Variants in RELN observed in about 807,000 individuals in gnomAD.
The protein encoded by RELN is reelin.
In RELN, 108 loss-of-function variants were observed where a neutral mutation model predicts 427.6. That is an observed-to-expected ratio of 0.25 (90% CI 0.22 to 0.30). The LOEUF (loss-of-function observed/expected upper bound fraction) is 0.30. Among genes scored for constraint, RELN ranks in the 10% least tolerant of loss-of-function variants. The pLI, the probability that RELN is intolerant of heterozygous loss-of-function variation, is 1.00. For synonymous variants in RELN, 1,524 were observed against 1,513.4 expected (o/e 1.01, Z -0.16); for missense variants, 3,715 against 4,302.8 (o/e 0.86, Z 3.82).
chr7:103,799,930 C>T (rs1348847727), intron 3 of RELN, among the ~76,000 whole-genome samples: 1 of 151,660 alleles, frequency 6.6e-6, no homozygotes, highest in Non-Finnish European at 1.5e-5. Flanking sequence ...ACGTGATTAT[C>T]TCAATAGATG....
intron 64 of RELN, among the ~76,000 whole-genome samples, chr7:103,474,824 C>T (rs1374840353): frequency 6.6e-6 from 1 of 151,432 alleles, no homozygotes; most frequent in African/African-American, 2.4e-5. Flanking sequence ...AAAAAAACTC[C>T]ACTGAAAGGA....
chr7:103,816,253 C>T (rs1045958276), intron 3 of RELN, among the ~76,000 whole-genome samples: 2 of 152,108 alleles, frequency 1.3e-5, no homozygotes, highest in African/African-American at 4.8e-5. Context: ...CTGGCACACA[C>T]CTGTAATCCC....
chr7:103,550,964 G>A lies in RELN; in HGVS notation c.6302+103C>T, dbSNP rs3025938. The A allele has an allele frequency of 3.2e-3, 2,911 of 909,992 alleles. 62 individuals are homozygous for A. The African/African-American group carries it at 0.043, about 13-fold the overall frequency. 56.4% of individuals were successfully genotyped at this position (909,992 alleles called of 1,614,324 possible). ...TCTGCTTGAGAACAGAGGAAGAAACGTCAGGTGGAAATTTCCCCATGATAA... is the reference window on the plus strand; with the variant it reads ...TCTGCTTGAGAACAGAGGAAGAAACATCAGGTGGAAATTTCCCCATGATAA... On this transcript the variant is annotated intron_variant, in intron 41 of 64. Coordinates refer to ENST00000428762, the MANE Select transcript of RELN (RefSeq NM_005045.4).
chr7:103,503,196 G>T lies in RELN; in HGVS notation c.8309C>A (p.Ala2770Asp), dbSNP rs1459761414. Residue 2770 changes from alanine (A) to aspartate (D), a missense_variant, in exon 52 of 65, where the codon GCC (alanine) becomes GAC (aspartate). Physicochemically the swap from Ala to Asp is moderately radical, Grantham distance 126. Coordinates refer to ENST00000428762, the MANE Select transcript of RELN (RefSeq NM_005045.4). ...ATACTGCACATGAATTTGATTCTGG[G>T]CAATTTTTTCAGACACCTTACATCC... The part of the protein sequence containing the change: ...SVGCKVSEKI[A>D]QNQIHVQYST... The T allele has an allele frequency of 6.2e-7, 1 of 1,614,142 alleles. No homozygotes were observed. Among genetic ancestry groups the T allele is most frequent in the Non-Finnish European group, 8.5e-7 (1 of 1,180,016 alleles).
chr7:103,624,514 C>T (rs1467239551), intron 20 of RELN, among the ~76,000 whole-genome samples: 1 of 152,140 alleles, frequency 6.6e-6, no homozygotes, highest in Non-Finnish European at 1.5e-5. Flanking sequence ...GCAACCTCTG[C>T]CTCCCAGGTT....
Position 103,661,405 on chromosome 7 carries a change from T to C in RELN, c.1412A>G (p.Tyr471Cys), listed in dbSNP as rs1833136395. ...LCTPSMDTTG[Y>C]GNLRFYFVMG... Reference sequence around the variant, plus strand: ...CACAAAGTAAAACCTCAGGTTCCCATAACCGGTAGTGTCCATGGATGGAGT... The same window carrying C: ...CACAAAGTAAAACCTCAGGTTCCCACAACCGGTAGTGTCCATGGATGGAGT... Residue 471 changes from tyrosine to cysteine, a missense_variant, in exon 12 of 65, where the codon TAT becomes TGT. Around this residue, in one of 4 missense-constraint regions of RELN, gnomAD observed 2,208 missense variants for 2,361.7 expected, o/e 0.93. Coordinates refer to ENST00000428762, the MANE Select transcript of RELN (RefSeq NM_005045.4). 2 of 1,613,900 alleles carry C rather than the reference T, an allele frequency of 1.2e-6. No homozygotes were observed. Among genetic ancestry groups the C allele is most frequent in the South Asian group, 2.2e-5 (2 of 91,086 alleles).
At chr7:103,670,121 T>C (rs2115616657) in intron 11 of RELN, among the ~76,000 whole-genome samples, 1 of 152,288 alleles carries the variant, frequency 6.6e-6, no homozygotes. Context: ...GGAAAGCTGA[T>C]GGTCTTCTCT....
intron 1 of RELN, among the ~76,000 whole-genome samples, chr7:103,940,536 T>C (rs10265612): frequency 0.029 from 4,394 of 152,260 alleles, 219 homozygotes; most frequent in African/African-American, 0.1. Flanking sequence ...CTTGCGACTA[T>C]CTCTGCTGTC....
chr7:103,633,552 A>G (rs1328941340), intron 19 of RELN, among the ~76,000 whole-genome samples: 2 of 151,918 alleles, frequency 1.3e-5, no homozygotes, highest in African/African-American at 4.8e-5. Context: ...CTCCACTTTG[A>G]TCTTAATCTT....
In RELN at chr7:103,727,008, T is replaced by C. The variant is rs113103074; in HGVS notation, c.753+1103A>G. Among the ~76,000 whole-genome samples the C allele has an allele frequency of 3.9e-3, 593 of 152,266 alleles. 2 individuals are homozygous for C. Among genetic ancestry groups the C allele is most frequent in the Non-Finnish European group, 6.6e-3 (449 of 67,998 alleles). On this transcript the variant is annotated intron_variant, in intron 7 of 64. Coordinates refer to ENST00000428762, the MANE Select transcript of RELN (RefSeq NM_005045.4). ...TATCAATGCTCTGAAGCTTGTATCT[T>C]TAATAAATTAAATGTATCTATTGGC... is the stretch of plus-strand genomic sequence containing the variant.
At chr7:103,616,068 C>T (rs554685580) in intron 20 of RELN, among the ~76,000 whole-genome samples, 2 of 152,234 alleles carry the variant, frequency 1.3e-5, no homozygotes, top group South Asian at 2.1e-4. Context: ...CAACTGAGCC[C>T]ATCTCTTTAA....
intron 16 of RELN, among the ~76,000 whole-genome samples, chr7:103,643,303 A>T (rs1832730943): frequency 6.6e-6 from 1 of 152,092 alleles, no homozygotes. Flanking sequence ...CTTGTAGTAT[A>T]AGCCTTCAGC....
In RELN at chr7:103,611,747, A is replaced by T. The variant is rs748576911; in HGVS notation, c.2759T>A (p.Met920Lys). The T allele has an allele frequency of 6.2e-7, 1 of 1,613,880 alleles. No homozygotes were observed. The highest frequency in any genetic ancestry group is 2.2e-5 in the East Asian group (1 of 44,832). ...SSMRYVETQS[M>K]QIGASYMIQF... Reference sequence around the variant, plus strand: ...AATCATATAGGATGCTCCTATCTGCATTGATTGTGTTTCCACATAGCGCAT... The same window carrying T: ...AATCATATAGGATGCTCCTATCTGCTTTGATTGTGTTTCCACATAGCGCAT... Residue 920 changes from methionine (M) to lysine (K), a missense_variant, in exon 21 of 65, where the codon ATG becomes AAG. Transcript: ENST00000428762.
chr7:103,825,477 A>C (rs1321448560), intron 3 of RELN, among the ~76,000 whole-genome samples: 1 of 152,202 alleles, frequency 6.6e-6, no homozygotes, highest in East Asian at 1.9e-4. Context: ...CCAGCTGTTT[A>C]CATAAAATTG....
intron 10 of RELN, among the ~76,000 whole-genome samples, chr7:103,690,726 G>C (rs1367319897): frequency 1.3e-5 from 2 of 152,102 alleles, no homozygotes; most frequent in Non-Finnish European, 2.9e-5. Context: ...TACGAATGAG[G>C]GTGGGGCTCT....
chr7:103,746,183 A>G (rs1790823635), intron 6 of RELN, among the ~76,000 whole-genome samples: 1 of 151,926 alleles, frequency 6.6e-6, no homozygotes, highest in African/African-American at 2.4e-5. Flanking sequence ...TCCCTATTTA[A>G]TAAATGGTGC....
intron 2 of RELN, among the ~76,000 whole-genome samples, chr7:103,855,618 G>C (rs753166553): frequency 6.6e-6 from 1 of 152,156 alleles, no homozygotes; most frequent in Non-Finnish European, 1.5e-5. Context: ...TTATTATAAA[G>C]TGAGCGGCTT....
chr7:103,784,669 C>G lies in RELN; in HGVS notation c.474-8042G>C, dbSNP rs531182619. On this transcript the variant is annotated intron_variant, in intron 3 of 64. Transcript: ENST00000428762. ...CTCTTCTAATAATTATTCAACAAAC[C>G]ATTATGGATTATGAACCTGAAGGGG... 4.6e-5 allele frequency among the ~76,000 whole-genome samples: 7 copies of G among 152,114 alleles called. No individual in the cohort carries two copies. In the South Asian group the frequency reaches 1.5e-3, roughly 32 times the overall value.
intron 38 of RELN, among the ~76,000 whole-genome samples, chr7:103,554,838 A>T (rs745544099): frequency 1.3e-5 from 2 of 152,132 alleles, no homozygotes; most frequent in Non-Finnish European, 2.9e-5. Context: ...GAGCCGAGGA[A>T]CACTAATCAG....
Sources: allele counts gnomAD v4.1 joint callset (sites outside exome capture counted in the v4.1 genomes callset), GRCh38; gene constraint gnomAD v4.1.1; regional missense constraint gnomAD v4.1.1; transcripts MANE v1.5; gene names NCBI Gene and HGNC (gene_info 2026-07-23, HGNC 2026-07-21).